Variants in YAF2 observed in about 807,000 individuals in gnomAD.
YAF2 encodes YY1 associated factor 2, also known as YY1-associated factor 2.
In YAF2, 7 loss-of-function variants were observed where a neutral mutation model predicts 20.1. That is an observed-to-expected ratio of 0.35 (90% CI 0.20 to 0.65). YAF2 has a LOEUF of 0.65. YAF2 is among the 30% of genes least tolerant of loss of function. The probability of loss-of-function intolerance (pLI) is 0.69; values close to 1 mark genes in which losing one functional copy is unlikely to be tolerated. For synonymous variants in YAF2, 74 were observed against 76.0 expected (o/e 0.97, Z 0.14); for missense variants, 151 against 219.2 (o/e 0.69, Z 1.96).
intron 2 of YAF2, among the ~76,000 whole-genome samples, chr12:42,208,071 C>A (rs1038198841): frequency 6.6e-6 from 1 of 152,136 alleles, no homozygotes; most frequent in Non-Finnish European, 1.5e-5. Flanking sequence ...ATTTTTATTA[C>A]ACAACATACC....
At chr12:42,225,367 T>G (rs996268627) in intron 2 of YAF2, among the ~76,000 whole-genome samples, 9 of 152,220 alleles carry the variant, frequency 5.9e-5, no homozygotes, top group Admixed American at 3.9e-4. Flanking sequence ...TTAGTTCAAT[T>G]AGATCTCATT....
intron 2 of YAF2, among the ~76,000 whole-genome samples, chr12:42,168,763 C>T (rs988899682): frequency 2.6e-5 from 4 of 152,058 alleles, no homozygotes; most frequent in African/African-American, 9.7e-5. Context: ...GATCTAAGGG[C>T]ATATTTGCAC....
intron 2 of YAF2, among the ~76,000 whole-genome samples, chr12:42,204,938 C>T (rs1055440715): frequency 6.6e-6 from 1 of 151,840 alleles, no homozygotes; most frequent in Non-Finnish European, 1.5e-5. Context: ...TGAAAATGTT[C>T]TAAAAATGAC....
intron 2 of YAF2, chr12:42,232,583 C>A: frequency 1.0e-6 from 1 of 985,384 alleles, no homozygotes; most frequent in Non-Finnish European, 1.2e-6. Flanking sequence ...CTCAGATAGA[C>A]AGGAGGCGGC....
chr12:42,177,180 C>T (rs2066217362), intron 2 of YAF2, among the ~76,000 whole-genome samples: 1 of 152,184 alleles, frequency 6.6e-6, no homozygotes, highest in African/African-American at 2.4e-5. Flanking sequence ...CTCTAGTCCA[C>T]AAGTCTCTAT....
At chr12:42,193,461 G>A (rs746196697) in intron 2 of YAF2, among the ~76,000 whole-genome samples, 1 of 151,868 alleles carries the variant, frequency 6.6e-6, no homozygotes, top group Non-Finnish European at 1.5e-5. Context: ...ATAACTTTAA[G>A]CAACCTCAGG....
intron 2 of YAF2, among the ~76,000 whole-genome samples, chr12:42,196,018 T>TG (rs1273399459): frequency 2.0e-5 from 3 of 151,620 alleles, no homozygotes; most frequent in African/African-American, 7.3e-5. Context: ...GGTCAGGAGT[T>TG]GGAGACCAGC....
intron 2 of YAF2, among the ~76,000 whole-genome samples, chr12:42,236,789 C>T (rs1312313999): frequency 6.6e-6 from 1 of 151,998 alleles, no homozygotes; most frequent in African/African-American, 2.4e-5. Context: ...CAAAGGGTAC[C>T]TTCGTATAAG....
chr12:42,218,655 C>T (rs1240297208), intron 2 of YAF2, among the ~76,000 whole-genome samples: 3 of 152,002 alleles, frequency 2.0e-5, no homozygotes, highest in South Asian at 2.1e-4. Context: ...TTATGGCATT[C>T]GGGAACCTAT....
At chr12:42,221,570 T>A (rs73114420) in intron 2 of YAF2, among the ~76,000 whole-genome samples, 14,167 of 151,896 alleles carry the variant, frequency 0.093, 842 homozygotes, top group South Asian at 0.18. Context: ...TTAAAAAAAA[T>A]TTTTTTTAAG....
chr12:42,197,571 G>T (rs1459609146), intron 2 of YAF2, among the ~76,000 whole-genome samples: 1 of 152,140 alleles, frequency 6.6e-6, no homozygotes, highest in African/African-American at 2.4e-5. Flanking sequence ...TAACAGGGTT[G>T]GGAAGAACTA....
chr12:42,227,042 G>A (rs1338241367), intron 2 of YAF2, among the ~76,000 whole-genome samples: 3 of 146,134 alleles, frequency 2.1e-5, no homozygotes, highest in African/African-American at 2.5e-5. Flanking sequence ...AAGCGGAGCC[G>A]CTGCCGCGAC....
At chr12:42,210,497 G>T (rs1166896828) in intron 2 of YAF2, 2 of 1,535,882 alleles carry the variant, frequency 1.3e-6, no homozygotes, top group African/African-American at 1.4e-5. Context: ...AGAAAGTTTG[G>T]GGGAGGGGAT....
intron 2 of YAF2, chr12:42,212,488 T>C (rs1179038997): frequency 6.7e-6 from 3 of 445,486 alleles, no homozygotes; most frequent in East Asian, 7.1e-5. Context: ...CTTCATTCTA[T>C]GGAAACAAAG....
chr12:42,216,064 A>G (rs2067349902), intron 2 of YAF2, among the ~76,000 whole-genome samples: 1 of 152,116 alleles, frequency 6.6e-6, no homozygotes, highest in African/African-American at 2.4e-5. Context: ...ATTCTATCAC[A>G]TTTTGTAGTT....
intron 2 of YAF2, chr12:42,210,560 G>A (rs1271580014): frequency 6.5e-7 from 1 of 1,535,996 alleles, no homozygotes; most frequent in East Asian, 2.4e-5. Context: ...TCCTGAAATT[G>A]GAAATTTCAA....
intron 2 of YAF2, among the ~76,000 whole-genome samples, chr12:42,170,450 G>T (rs1436607580): frequency 6.6e-6 from 1 of 152,032 alleles, no homozygotes; most frequent in African/African-American, 2.4e-5. Flanking sequence ...ATCTGTGTTG[G>T]TTCCTGGTTT....
At chr12:42,208,154 G>T (rs144515401) in intron 2 of YAF2, among the ~76,000 whole-genome samples, 2 of 151,650 alleles carry the variant, frequency 1.3e-5, no homozygotes, top group Non-Finnish European at 2.9e-5. Flanking sequence ...ATGGCCAGGC[G>T]CCATGGCTCA....
intron 3 of YAF2, chr12:42,161,119 A>G (rs2065790005): frequency 2.8e-6 from 1 of 361,256 alleles, no homozygotes; most frequent in Non-Finnish European, 5.0e-6. Context: ...TTTTATTAAA[A>G]TAGATGTTTT....
Sources: gnomAD v4.1 joint callset for allele counts (sites outside exome capture counted in the v4.1 genomes callset) on GRCh38, gnomAD v4.1.1 for gene constraint, MANE v1.5 for transcripts, NCBI Gene and HGNC (gene_info 2026-07-23, HGNC 2026-07-21) for gene names.